Variants in AS3MT observed in about 807,000 individuals in gnomAD.
AS3MT encodes the protein arsenite methyltransferase.
AS3MT carries 47 observed loss-of-function variants against 45.3 expected under a neutral mutation model. The observed-to-expected ratio is 1.04, with a 90% CI of 0.82 to 1.32. The LOEUF is 1.32. Ranked by LOEUF, AS3MT falls within the 40% of genes most tolerant of loss-of-function variation. The pLI, the probability that AS3MT is intolerant of heterozygous loss-of-function variation, is 0.00. For synonymous variants in AS3MT, 141 were observed against 152.8 expected (o/e 0.92, Z 0.57); for missense variants, 396 against 451.1 (o/e 0.88, Z 1.11).
rs2134137993 is a variant in AS3MT at position 102,901,299 on chromosome 10, T to G, written c.*599T>G. The G allele has an allele frequency of 6.6e-6, 1 of 152,094 alleles. No homozygotes were observed. The highest frequency in any genetic ancestry group is 6.6e-5 in the Admixed American group (1 of 15,244). 9.4% of individuals were successfully genotyped at this position (152,094 alleles called of 1,614,324 possible). A position where few individuals can be genotyped will look rare whatever the true frequency, so the allele number is the denominator to read the frequency against. The stretch of plus-strand genomic sequence containing the variant: ...AGCTCCACCTCCTGGGTTCACGCCA[T>G]TCTCCTGCCTCAGACTCCCAAGTAG... On this transcript the variant is annotated 3_prime_UTR_variant, in exon 11 of 11. Coordinates refer to ENST00000369880, the MANE Select transcript of AS3MT (RefSeq NM_020682.4).
intron 6 of AS3MT, among the ~76,000 whole-genome samples, chr10:102,875,629 G>GTT (rs879464385): frequency 6.9e-6 from 1 of 144,332 alleles, no homozygotes; most frequent in South Asian, 2.3e-4. Flanking sequence ...CTAAAAAAAT[G>GTT]TTTTTTTTTT....
At chr10:102,895,857 C>A (rs546445020) in intron 10 of AS3MT, among the ~76,000 whole-genome samples, 1 of 152,064 alleles carries the variant, frequency 6.6e-6, no homozygotes, top group Non-Finnish European at 1.5e-5. Context: ...CTCACCGCAA[C>A]CTCCGCCTCC....
At position 102,900,618 on chromosome 10, in the gene AS3MT, T is replaced by G; in HGVS notation, c.1046T>G (p.Leu349Arg). ...GATATAATCACAGATCCATTTAAGC[T>G]TGCAGAAGAGTCTGACAGTATGAAG... ...LKDIITDPFK[L>R]AEESDSMKSR... Residue 349 changes from leucine (L) to arginine (R), a missense_variant, in exon 11 of 11, where the codon CTT becomes CGT. By Grantham distance (102) the Leu-to-Arg change is moderately radical. Transcript: ENST00000369880. 1 of 1,614,108 alleles carries G rather than the reference T, an allele frequency of 6.2e-7. No homozygotes were observed. The highest frequency in any genetic ancestry group is 1.1e-5 in the South Asian group (1 of 91,080).
chr10:102,900,626 G>A lies in AS3MT; in HGVS notation c.1054G>A (p.Glu352Lys). The A allele has an allele frequency of 4.3e-6, 7 of 1,614,136 alleles. No homozygotes were observed. Among genetic ancestry groups the A allele is most frequent in the Non-Finnish European group, 5.9e-6 (7 of 1,179,966 alleles). The change falls in exon 11 of 11, where the codon GAG (glutamate) becomes AAG (lysine). Residue 352 changes from glutamate (E) to lysine (K), a missense_variant. Transcript: ENST00000369880. ...IITDPFKLAE[E>K]SDSMKSRCVP... ...CACAGATCCATTTAAGCTTGCAGAA[G>A]AGTCTGACAGTATGAAGTCCAGATG...
At chr10:102,896,533 G>A (rs1269139781) in intron 10 of AS3MT, among the ~76,000 whole-genome samples, 1 of 151,966 alleles carries the variant, frequency 6.6e-6, no homozygotes, top group Admixed American at 6.6e-5. Flanking sequence ...ACTAGGCCGG[G>A]CACGGTGGCT....
chr10:102,870,949 A>G (rs561969973), intron 3 of AS3MT, among the ~76,000 whole-genome samples: 236 of 152,278 alleles, frequency 1.5e-3, no homozygotes, highest in African/African-American at 5.3e-3. Context: ...CTCGCCTCTC[A>G]AATACACCTA....
chr10:102,894,409 C>T (rs192299111), intron 10 of AS3MT, among the ~76,000 whole-genome samples: 351 of 150,416 alleles, frequency 2.3e-3, no homozygotes, highest in African/African-American at 8.0e-3. Context: ...GGCGACAGAG[C>T]GAGACTCCAT....
rs773830957 is a variant in AS3MT at position 102,881,731 on chromosome 10, G to GATTT, written c.885+2751_885+2754dup. 6.6e-6 allele frequency among the ~76,000 whole-genome samples: 1 copy of GATTT among 151,910 alleles called. No individual in the cohort carries two copies. The highest frequency in any genetic ancestry group is 2.4e-5 in the African/African-American group (1 of 41,356). Reference sequence around the variant, plus strand: ...CTTACTATTAATATTTCATTTTTCTGATTTATTTATTTATCTATTTTAGAG... The same window carrying GATTT: ...CTTACTATTAATATTTCATTTTTCTGATTTATTTATTTATTTATCTATTTTAGAG... On this transcript the variant is annotated intron_variant, in intron 9 of 10. Transcript: ENST00000369880. The surrounding 1 kb of genome is among the most constrained non-coding windows in gnomAD (Gnocchi z 4.2).
intron 10 of AS3MT, among the ~76,000 whole-genome samples, chr10:102,896,477 A>G (rs1434654435): frequency 1.3e-5 from 2 of 151,344 alleles, no homozygotes; most frequent in Admixed American, 1.3e-4. Context: ...CATGAATCTA[A>G]CCCAAGCTCA....
rs147473582 is a variant in AS3MT, at chr10:102,877,727, C to T, written c.611-652C>T. On this transcript the variant is annotated intron_variant, in intron 7 of 10. Transcript: ENST00000369880. Reference sequence around the variant, plus strand: ...ATCTCTTAAAAAAATTACTTATAATCATATAACCCAGTGATAACTTCTTTT... The same window carrying T: ...ATCTCTTAAAAAAATTACTTATAATTATATAACCCAGTGATAACTTCTTTT... Among the ~76,000 whole-genome samples the T allele has an allele frequency of 7.6e-4, 112 of 147,876 alleles. 1 individual carries two copies. Among genetic ancestry groups the T allele is most frequent in the African/African-American group, 2.7e-3 (109 of 40,424 alleles).
chr10:102,900,370 T>G (rs1319104169), intron 10 of AS3MT, among the ~76,000 whole-genome samples: 1 of 152,234 alleles, frequency 6.6e-6, no homozygotes, highest in Non-Finnish European at 1.5e-5. Context: ...GGACCATCTT[T>G]AAGAAGCTTT....
Position 102,889,093 on chromosome 10 carries a change from T to C in AS3MT, c.886-1451T>C, listed in dbSNP as rs562263886. 2.6e-5 allele frequency among the ~76,000 whole-genome samples: 4 copies of C among 151,820 alleles called. No individual in the cohort carries two copies. The East Asian group carries it at 7.8e-4, about 30-fold the overall frequency. On this transcript the variant is annotated intron_variant, in intron 9 of 10. Coordinates refer to ENST00000369880, the MANE Select transcript of AS3MT (RefSeq NM_020682.4). ...TTTTAGTAGAGACGGGGTTTTACCA[T>C]GTTAGCCAGGATGGTCTCAATCTCC...
intron 9 of AS3MT, among the ~76,000 whole-genome samples, chr10:102,888,879 A>AT (rs1476114789): frequency 4.4e-5 from 2 of 45,208 alleles, no homozygotes; most frequent in African/African-American, 7.0e-5. Flanking sequence ...ATATATATAT[A>AT]TATTTTTTTT....
chr10:102,869,970 T>A lies in AS3MT; in HGVS notation c.43-114T>A. ...AGGGCAGGGTCTAGGCTTCGACCTT[T>A]CCAGGGAACTGAGGTCGGCCAAGTG... On this transcript the variant is annotated intron_variant, in intron 2 of 10. Coordinates refer to ENST00000369880, the MANE Select transcript of AS3MT (RefSeq NM_020682.4). The A allele has an allele frequency of 3.2e-6, 5 of 1,559,830 alleles. No homozygotes were observed. The South Asian group carries it at 5.8e-5, about 18-fold the overall frequency.
At chr10:102,877,537 C>T (rs2134114633) in intron 7 of AS3MT, among the ~76,000 whole-genome samples, 1 of 144,610 alleles carries the variant, frequency 6.9e-6, no homozygotes, top group Non-Finnish European at 1.5e-5. Context: ...TAAATAGGTA[C>T]CGTTAACAAG....
intron 3 of AS3MT, among the ~76,000 whole-genome samples, chr10:102,871,317 C>T (rs568436208): frequency 4.0e-5 from 6 of 151,850 alleles, no homozygotes; most frequent in East Asian, 1.9e-4. Context: ...GAGGCCGAGG[C>T]GGGAGGATCA....
chr10:102,878,498 G>T lies in AS3MT; in HGVS notation c.730G>T (p.Glu244Ter). ...NLITIQNKEL[E>*]RVIGDCRFVS... The stretch of plus-strand genomic sequence containing the variant: ...CATTACAATTCAAAACAAGGAACTG[G>T]AAAGAGTTATCGGTAAGATATGACA... Residue 244 changes from glutamate (E) to a stop codon, truncating the protein, a stop_gained, in exon 8 of 11, where the codon GAA becomes TAA. Coordinates refer to ENST00000369880, the MANE Select transcript of AS3MT (RefSeq NM_020682.4). LOFTEE classifies it high-confidence loss of function. 2 of 1,614,012 alleles carry T rather than the reference G, an allele frequency of 1.2e-6. No individual in the cohort carries two copies. The highest frequency in any genetic ancestry group is 1.1e-5 in the South Asian group (1 of 91,072).
intron 7 of AS3MT, among the ~76,000 whole-genome samples, chr10:102,878,067 T>C (rs1430113307): frequency 6.6e-6 from 1 of 152,118 alleles, no homozygotes; most frequent in Non-Finnish European, 1.5e-5. Flanking sequence ...TTATTTTTTA[T>C]ACTACTTTAT....
At chr10:102,870,986 C>T (rs1199149868) in intron 3 of AS3MT, among the ~76,000 whole-genome samples, 1 of 152,154 alleles carries the variant, frequency 6.6e-6, no homozygotes, top group Non-Finnish European at 1.5e-5. Flanking sequence ...GGCTCACGTC[C>T]GTCATCCCAG....
Sources: gnomAD v4.1 joint callset for allele counts (sites outside exome capture counted in the v4.1 genomes callset) on GRCh38, gnomAD v4.1.1 for gene constraint, Gnocchi (gnomAD v3.1) non-coding constraint, MANE v1.5 for transcripts, NCBI Gene and HGNC (gene_info 2026-07-23, HGNC 2026-07-21) for gene names.